Variants in APBA1 observed in about 807,000 individuals in gnomAD.
APBA1 encodes amyloid beta precursor protein binding family A member 1.
A neutral mutation model predicts 86.6 loss-of-function variants in APBA1; 55 were observed. The observed-to-expected ratio is 0.64, with a 90% CI of 0.51 to 0.80. The LOEUF (loss-of-function observed/expected upper bound fraction) is 0.80, where lower values mean the gene tolerates loss of function less well. Ranked by LOEUF, APBA1 falls within the 30% of genes least tolerant of loss-of-function variation. The probability of loss-of-function intolerance (pLI) is 0.00; values close to 1 mark genes in which losing one functional copy is unlikely to be tolerated. For synonymous variants in APBA1, 511 were observed against 493.9 expected (o/e 1.03, Z -0.46); for missense variants, 1,090 against 1,183.0 (o/e 0.92, Z 1.15).
intron 2 of APBA1, among the ~76,000 whole-genome samples, chr9:69,511,824 C>G (rs1272400252): frequency 6.6e-6 from 1 of 151,030 alleles, no homozygotes; most frequent in Non-Finnish European, 1.5e-5. Flanking sequence ...ATCGCAAGAA[C>G]AGAAAACCAA....
intron 11 of APBA1, among the ~76,000 whole-genome samples, chr9:69,436,362 C>T (rs1195649048): frequency 1.3e-5 from 2 of 151,464 alleles, no homozygotes; most frequent in African/African-American, 4.9e-5. Context: ...CTATAAATTA[C>T]CTTGGGCAGT....
At chr9:69,447,979 C>T (rs1164860078) in intron 10 of APBA1, among the ~76,000 whole-genome samples, 1 of 152,144 alleles carries the variant, frequency 6.6e-6, no homozygotes. Flanking sequence ...TGCTCACTGG[C>T]AGGAGCGACT....
intron 1 of APBA1, among the ~76,000 whole-genome samples, chr9:69,569,211 C>A (rs1237802972): frequency 6.6e-6 from 1 of 152,132 alleles, no homozygotes; most frequent in Non-Finnish European, 1.5e-5. Context: ...TGGTTTTTCA[C>A]ACACCAACAC....
chr9:69,509,182 TAAAG>T (rs1229877572), intron 2 of APBA1, among the ~76,000 whole-genome samples: 11 of 151,590 alleles, frequency 7.3e-5, no homozygotes, highest in Non-Finnish European at 1.2e-4. Context: ...GCAAGACTAA[TAAAG>T]AAAAAAAGAG....
chr9:69,473,632 C>T lies in APBA1; in HGVS notation c.1297-1937G>A, dbSNP rs372742283. On this transcript the variant is annotated intron_variant, in intron 3 of 12. Transcript: ENST00000265381. ...GCTACACCAACATGGCACATGTATA[C>T]GTATGTAACTAACCTGCATGTTGTG... is the stretch of plus-strand genomic sequence containing the variant. Among the ~76,000 whole-genome samples, 3 of 151,978 alleles carry T rather than the reference C, an allele frequency of 2.0e-5. 1 individual carries two copies. Among genetic ancestry groups the T allele is most frequent in the East Asian group, 3.9e-4 (2 of 5,190 alleles).
At chr9:69,629,911 A>G (rs1386227279) in intron 1 of APBA1, among the ~76,000 whole-genome samples, 7 of 152,212 alleles carry the variant, frequency 4.6e-5, no homozygotes, top group African/African-American at 1.7e-4. Context: ...CCGGCCACAC[A>G]GTGTCCAGGT....
At chr9:69,436,070 G>T (rs1327918112) in intron 11 of APBA1, among the ~76,000 whole-genome samples, 1 of 150,904 alleles carries the variant, frequency 6.6e-6, no homozygotes, top group Non-Finnish European at 1.5e-5. Flanking sequence ...TCTCAGGTTT[G>T]TCAAAGATCA....
chr9:69,434,785 A>G (rs1834672013), intron 11 of APBA1, among the ~76,000 whole-genome samples: 1 of 151,644 alleles, frequency 6.6e-6, no homozygotes, highest in Non-Finnish European at 1.5e-5. Flanking sequence ...TAAAATGTCC[A>G]CTTTAACGTT....
At chr9:69,515,695 GGGGGGGGGGC>G (rs1162375829) in intron 2 of APBA1, among the ~76,000 whole-genome samples, 675 of 28,252 alleles carry the variant, frequency 0.024, 15 homozygotes, top group Non-Finnish European at 0.039. Flanking sequence ...GAAACTGGGG[GGGGGGGGGGC>G]GGGGGGTGGA....
intron 1 of APBA1, among the ~76,000 whole-genome samples, chr9:69,655,051 TA>T (rs1398720202): frequency 1.3e-5 from 2 of 152,170 alleles, no homozygotes; most frequent in African/African-American, 4.8e-5. Flanking sequence ...AGAAGGAATA[TA>T]TTTCAACACA....
intron 1 of APBA1, among the ~76,000 whole-genome samples, chr9:69,563,439 T>A (rs1836977713): frequency 6.6e-6 from 1 of 152,220 alleles, no homozygotes. Flanking sequence ...CAAGATCCAA[T>A]TTAAGGTTTA....
intron 2 of APBA1, among the ~76,000 whole-genome samples, chr9:69,492,034 G>T (rs1422977451): frequency 6.6e-6 from 1 of 152,010 alleles, no homozygotes; most frequent in East Asian, 1.9e-4. Context: ...CATAGTGCTG[G>T]GATTACAGGC....
rs552742534 is a variant in APBA1, at chr9:69,493,340, C to A, written c.1201-17197G>T. On this transcript the variant is annotated intron_variant, in intron 2 of 12. Coordinates refer to ENST00000265381, the MANE Select transcript of APBA1 (RefSeq NM_001163.4). ...ACTACTTTCTGTTCCCAGCATATCA[C>A]CTGCGTTTCTGCTCAGCGTCTTTGT... is the stretch of plus-strand genomic sequence containing the variant. Among the ~76,000 whole-genome samples, 4 of 152,192 alleles carry A rather than the reference C, an allele frequency of 2.6e-5. No homozygotes were observed. The East Asian group carries it at 7.7e-4, about 29-fold the overall frequency.
chr9:69,561,762 C>T (rs1479682300), intron 1 of APBA1, among the ~76,000 whole-genome samples: 2 of 152,006 alleles, frequency 1.3e-5, no homozygotes, highest in African/African-American at 4.8e-5. Flanking sequence ...TCTCAAGTAG[C>T]TGGGATTACA....
In APBA1 at chr9:69,656,110, T is replaced by C. The variant is rs1316331934; in HGVS notation, c.-70+16043A>G. On this transcript the variant is annotated intron_variant, in intron 1 of 12. Transcript: ENST00000265381. ...AGCAGAATACCTCAAGCTAAACAAATGGTAGGAAACCAGGTGCTATCACCA... is the reference window on the plus strand; with the variant it reads ...AGCAGAATACCTCAAGCTAAACAAACGGTAGGAAACCAGGTGCTATCACCA... Among the ~76,000 whole-genome samples, 3 of 152,180 alleles carry C rather than the reference T, an allele frequency of 2.0e-5. No individual in the cohort carries two copies. In the East Asian group the frequency reaches 5.8e-4, roughly 29 times the overall value.
chr9:69,624,944 G>C (rs1420055601), intron 1 of APBA1, among the ~76,000 whole-genome samples: 1 of 152,180 alleles, frequency 6.6e-6, no homozygotes, highest in African/African-American at 2.4e-5. Flanking sequence ...CTTTGTTACA[G>C]ATATTTAATT....
chr9:69,461,969 C>T (rs2133821577), intron 5 of APBA1: 1 of 152,214 alleles, frequency 6.6e-6, no homozygotes, highest in South Asian at 2.1e-4. Flanking sequence ...TAATGATAGA[C>T]ATTTTACTTC....
At chr9:69,483,841 G>T (rs1777977420) in intron 2 of APBA1, among the ~76,000 whole-genome samples, 1 of 152,016 alleles carries the variant, frequency 6.6e-6, no homozygotes, top group African/African-American at 2.4e-5. Flanking sequence ...ACAGCCCCTG[G>T]CTGCAATAAA....
chr9:69,600,421 T>G (rs1270444071), intron 1 of APBA1, among the ~76,000 whole-genome samples: 1 of 152,194 alleles, frequency 6.6e-6, no homozygotes, highest in Non-Finnish European at 1.5e-5. Context: ...AAGCTCTTTA[T>G]GAGAAAGCAG....
Sources: allele counts gnomAD v4.1 joint callset (sites outside exome capture counted in the v4.1 genomes callset), GRCh38; gene constraint gnomAD v4.1.1; transcripts MANE v1.5; gene names NCBI Gene and HGNC (gene_info 2026-07-23, HGNC 2026-07-21).